The following ANK1 variants were observed in gnomAD, a reference collection of about 807,000 sequenced individuals.
ANK1 encodes ankyrin-1.
A neutral mutation model predicts 210.4 loss-of-function variants in ANK1; 51 were observed. The observed-to-expected ratio is 0.24, with a 90% CI of 0.19 to 0.31. The LOEUF is 0.31. ANK1 is among the 10% of genes least tolerant of loss of function. The pLI is 1.00. For missense variants in ANK1, 2,051 were observed against 2,504.4 expected, an observed-to-expected ratio of 0.82 and a Z score of 3.86; for synonymous variants, 967 against 1,025.9, an observed-to-expected ratio of 0.94 and a Z score of 1.10.
chr8:41,709,217 T>C (rs1053450757), intron 16 of ANK1, among the ~76,000 whole-genome samples: 2 of 152,262 alleles, frequency 1.3e-5, no homozygotes, highest in African/African-American at 4.8e-5. Flanking sequence ...TTTTCTGTTA[T>C]GCTTTGACAA....
rs1137177 is a variant in ANK1, at chr8:41,706,167, G to A, written c.2073C>T (p.Gly691=). The change falls in exon 18 of 43, where the codon GGC becomes GGT. Residue 691 remains glycine, a synonymous_variant. Transcript: ENST00000289734. ...VPVADVLIKH[G]VMVDATTRMG... ...CCCGGGTGGTGGCGTCCACCATGAC[G>A]CCGTGTTTGATCAGCACATCTGCCA... 0.26 allele frequency: 416,000 copies of A among 1,613,702 alleles called. 57,216 individuals are homozygous for A. The highest frequency in any genetic ancestry group is 0.31 in the South Asian group (28,656 of 91,062).
chr8:41,759,444 T>G (rs1311242049), intron 1 of ANK1, among the ~76,000 whole-genome samples: 1 of 152,000 alleles, frequency 6.6e-6, no homozygotes, highest in Non-Finnish European at 1.5e-5. Flanking sequence ...AGGTGGAGGT[T>G]GCAGTGAGCC....
intron 1 of ANK1, among the ~76,000 whole-genome samples, chr8:41,836,990 G>A (rs1317309201): frequency 6.6e-6 from 1 of 152,112 alleles, no homozygotes; most frequent in Non-Finnish European, 1.5e-5. Context: ...CATGGGCCTG[G>A]GGTCCTGGTC....
chr8:41,797,534 G>C lies in ANK1; in HGVS notation c.5C>G (p.Pro2Arg), dbSNP rs753171851. 12 of 1,613,680 alleles carry C rather than the reference G, an allele frequency of 7.4e-6. No individual in the cohort carries two copies. In the Admixed American group the frequency reaches 2.0e-4, roughly 27 times the overall value. The change falls in exon 1 of 43, where the codon CCC (proline) becomes CGC (arginine). Residue 2 changes from proline to arginine, a missense_variant. Physicochemically the swap from Pro to Arg is moderately radical, Grantham distance 103. Around this residue, in one of 6 missense-constraint regions of ANK1, gnomAD observed 21 missense variants for 18.7 expected, o/e 1.12. Transcript: ENST00000289734. This position sits in a 1 kb window ranked among gnomAD's most constrained non-coding sequence, Gnocchi z 4.0. M[P>R]YSVGFREADA... ...CACTTCGCGGAAGCCCACAGAATAG[G>C]GCATGCCGGTCTTTCAGCAGGGGCC...
intron 1 of ANK1, among the ~76,000 whole-genome samples, chr8:41,804,590 C>T (rs374229354): frequency 5.9e-5 from 9 of 152,182 alleles, no homozygotes; most frequent in South Asian, 2.1e-4. Context: ...ATTAATTGCC[C>T]GCAAAATAAT....
At chr8:41,878,685 T>C (rs1817035140) in intron 1 of ANK1, among the ~76,000 whole-genome samples, 1 of 152,178 alleles carries the variant, frequency 6.6e-6, no homozygotes, top group Admixed American at 6.5e-5. Flanking sequence ...CATTGAAACA[T>C]GCACAGGACC....
intron 37 of ANK1, among the ~76,000 whole-genome samples, chr8:41,679,234 G>A (rs1001889665): frequency 1.3e-5 from 2 of 152,322 alleles, no homozygotes; most frequent in Non-Finnish European, 1.5e-5. Flanking sequence ...TTACCTTGTG[G>A]AGTGCTGGAT....
At chr8:41,707,897 A>C (rs1450621034) in intron 17 of ANK1, among the ~76,000 whole-genome samples, 1 of 152,216 alleles carries the variant, frequency 6.6e-6, no homozygotes, top group Non-Finnish European at 1.5e-5. Flanking sequence ...AATGTGTGCT[A>C]TGTGAATTTA....
intron 37 of ANK1, among the ~76,000 whole-genome samples, chr8:41,682,961 G>A (rs956592379): frequency 6.6e-6 from 1 of 152,200 alleles, no homozygotes; most frequent in South Asian, 2.1e-4. Context: ...GGGGAGGCTG[G>A]AATCCCCAAG....
intron 1 of ANK1, among the ~76,000 whole-genome samples, chr8:41,806,797 C>G (rs1402087013): frequency 1.3e-5 from 2 of 152,154 alleles, no homozygotes; most frequent in South Asian, 2.1e-4. Flanking sequence ...AGGCTCCACT[C>G]TCGATGGTTT....
upstream of ANK1, chr8:41,797,651 C>A: frequency 6.6e-7 from 1 of 1,506,834 alleles, no homozygotes; most frequent in Non-Finnish European, 8.9e-7. This position sits in a 1 kb window ranked among gnomAD's most constrained non-coding sequence, Gnocchi z 4.0. Flanking sequence ...GGGCCAGGCC[C>A]CCGAGGGCCT....
intron 1 of ANK1, among the ~76,000 whole-genome samples, chr8:41,849,238 G>A (rs887134876): frequency 6.6e-6 from 1 of 152,204 alleles, no homozygotes; most frequent in Non-Finnish European, 1.5e-5. Context: ...AGGGACCTGT[G>A]CTCTTCTGAA....
In ANK1 at chr8:41,689,084, C is replaced by T. The variant is rs1019632047; in HGVS notation, c.4105-495G>A. On this transcript the variant is annotated intron_variant, in intron 33 of 42. Coordinates refer to ENST00000289734, the MANE Select transcript of ANK1 (RefSeq NM_000037.4). ...CATCACAGCCCTGTGGAAAAGCATCCGAACATTTGCCCAAGGCTGCAGAAA... is the reference window on the plus strand; with the variant it reads ...CATCACAGCCCTGTGGAAAAGCATCTGAACATTTGCCCAAGGCTGCAGAAA... 5.9e-5 allele frequency among the ~76,000 whole-genome samples: 9 copies of T among 152,246 alleles called. No individual in the cohort carries two copies. The East Asian group carries it at 1.2e-3, about 20-fold the overall frequency.
chr8:41,837,975 G>A (rs961832899), intron 1 of ANK1, among the ~76,000 whole-genome samples: 6 of 152,204 alleles, frequency 3.9e-5, no homozygotes, highest in African/African-American at 1.4e-4. Context: ...CTGAGTTTTA[G>A]AGGAGGGGTA....
chr8:41,699,390 T>C (rs1822028576), intron 23 of ANK1, 62 bp downstream of exon 23: 3 of 1,492,118 alleles, frequency 2.0e-6, no homozygotes, highest in Non-Finnish European at 2.8e-6. Context: ...CTGGAATCCC[T>C]GCTCTGAGCC....
At chr8:41,814,524 C>T (rs75115236) in intron 1 of ANK1, among the ~76,000 whole-genome samples, 7,702 of 152,034 alleles carry the variant, frequency 0.051, 576 homozygotes, top group African/African-American at 0.16. Context: ...TATCAGAAAC[C>T]TGTATTCCAA....
At chr8:41,757,765 C>G (rs898467193) in intron 2 of ANK1, among the ~76,000 whole-genome samples, 2 of 152,204 alleles carry the variant, frequency 1.3e-5, no homozygotes, top group Non-Finnish European at 2.9e-5. Context: ...AAGACAACAG[C>G]GGGAATCAAT....
intron 1 of ANK1, among the ~76,000 whole-genome samples, chr8:41,876,106 A>G (rs1816531597): frequency 6.6e-6 from 1 of 151,780 alleles, no homozygotes; most frequent in Admixed American, 6.6e-5. Context: ...AAATATAGAA[A>G]CCGACTTCCT....
At chr8:41,845,796 C>CTG (rs1809914847) in intron 1 of ANK1, among the ~76,000 whole-genome samples, 1 of 152,130 alleles carries the variant, frequency 6.6e-6, no homozygotes, top group Admixed American at 6.5e-5. Context: ...TTTCTCCTTC[C>CTG]CCTCCTGCTA....
Sources: allele counts gnomAD v4.1 joint callset (sites outside exome capture counted in the v4.1 genomes callset), GRCh38; gene constraint gnomAD v4.1.1; regional missense constraint gnomAD v4.1.1; non-coding constraint Gnocchi (gnomAD v3.1); transcripts MANE v1.5; gene names NCBI Gene and HGNC (gene_info 2026-07-23, HGNC 2026-07-21).